ZNF385D: variants seen among roughly 807,000 people sequenced by gnomAD.
ZNF385D encodes zinc finger protein 659.
A neutral mutation model predicts 35.8 loss-of-function variants in ZNF385D; 15 were observed. The observed-to-expected ratio is 0.42, with a 90% CI of 0.28 to 0.64. The LOEUF (loss-of-function observed/expected upper bound fraction) is 0.64, where lower values mean the gene tolerates loss of function less well. Among genes scored for constraint, ZNF385D ranks in the 30% least tolerant of loss-of-function variants. The pLI, the probability that ZNF385D is intolerant of heterozygous loss-of-function variation, is 0.23. For missense variants in ZNF385D, 474 were observed against 494.6 expected (o/e 0.96, Z 0.39); for synonymous variants, 212 against 186.8 (o/e 1.13, Z -1.10).
At chr3:21,618,099 C>T (rs1325947658) in intron 2 of ZNF385D, among the ~76,000 whole-genome samples, 1 of 152,160 alleles carries the variant, frequency 6.6e-6, no homozygotes, top group African/African-American at 2.4e-5. Context: ...TCCCAGAAAC[C>T]TATATTATCT....
At chr3:22,140,034 C>T (rs886137463) in intron 3 of ZNF385D, among the ~76,000 whole-genome samples, 4 of 152,154 alleles carry the variant, frequency 2.6e-5, no homozygotes, top group Non-Finnish European at 5.9e-5. Context: ...ACTTTGGATT[C>T]ATTGTGGCAG....
At chr3:22,259,716 A>C (rs1236075185) in intron 2 of ZNF385D, among the ~76,000 whole-genome samples, 1 of 152,022 alleles carries the variant, frequency 6.6e-6, no homozygotes, top group East Asian at 1.9e-4. Flanking sequence ...AGCACGTAGT[A>C]GTGAAGAACA....
chr3:22,003,957 A>T (rs1245038322), intron 3 of ZNF385D, among the ~76,000 whole-genome samples: 2 of 152,188 alleles, frequency 1.3e-5, no homozygotes, highest in Admixed American at 6.5e-5. Context: ...CTGAGTAAAA[A>T]AAAACAAAGC....
intron 3 of ZNF385D, among the ~76,000 whole-genome samples, chr3:21,955,704 T>C (rs900013524): frequency 6.6e-6 from 1 of 152,160 alleles, no homozygotes; most frequent in Non-Finnish European, 1.5e-5. Flanking sequence ...TGTTATAAAA[T>C]TGAGTATCTT....
chr3:22,065,633 C>T (rs572433953), intron 3 of ZNF385D, among the ~76,000 whole-genome samples: 3 of 151,934 alleles, frequency 2.0e-5, no homozygotes, highest in Non-Finnish European at 4.4e-5. Flanking sequence ...GTGTGGAGCT[C>T]GCAAGTGGTG....
chr3:22,016,652 G>C (rs56134833), intron 3 of ZNF385D, among the ~76,000 whole-genome samples: 1 of 151,766 alleles, frequency 6.6e-6, no homozygotes, highest in African/African-American at 2.4e-5. Flanking sequence ...AAAATTTTAG[G>C]GGCTTTCTTA....
intron 2 of ZNF385D, among the ~76,000 whole-genome samples, chr3:22,275,593 C>A (rs1246352359): frequency 6.6e-6 from 1 of 152,052 alleles, no homozygotes; most frequent in Non-Finnish European, 1.5e-5. Context: ...GGTTAATATT[C>A]TTATCTAAAA....
chr3:22,071,020 A>C (rs1700202823), intron 3 of ZNF385D, among the ~76,000 whole-genome samples: 1 of 152,148 alleles, frequency 6.6e-6, no homozygotes, highest in African/African-American at 2.4e-5. Context: ...TCAGTTGCCA[A>C]ATCTATGAAA....
intron 2 of ZNF385D, among the ~76,000 whole-genome samples, chr3:22,250,261 C>A (rs1042485600): frequency 4.6e-5 from 7 of 152,110 alleles, no homozygotes; most frequent in Middle Eastern, 6.8e-3. Flanking sequence ...GGGTTGTATT[C>A]TATCTTTTTA....
chr3:22,218,842 T>A (rs1576514623), intron 2 of ZNF385D, among the ~76,000 whole-genome samples: 1 of 152,166 alleles, frequency 6.6e-6, no homozygotes, highest in East Asian at 1.9e-4. Context: ...TTGTCCTTAA[T>A]GTAGGGTTGA....
chr3:21,683,409 G>A (rs1270850293), intron 1 of ZNF385D, among the ~76,000 whole-genome samples: 3 of 149,672 alleles, frequency 2.0e-5, no homozygotes, highest in African/African-American at 4.9e-5. Flanking sequence ...ACGAGGTCAG[G>A]AGATCAAGAC....
At chr3:21,673,025 G>C (rs2066622484) in intron 1 of ZNF385D, among the ~76,000 whole-genome samples, 1 of 152,068 alleles carries the variant, frequency 6.6e-6, no homozygotes, top group Admixed American at 6.6e-5. Context: ...ACAGGTGCCT[G>C]CTTTATAGGA....
At chr3:22,010,887 C>T (rs1346887999) in intron 3 of ZNF385D, among the ~76,000 whole-genome samples, 2 of 152,034 alleles carry the variant, frequency 1.3e-5, no homozygotes, top group Non-Finnish European at 2.9e-5. Context: ...GCAATTTTTT[C>T]TTTCCCTTTT....
At chr3:21,602,076 AG>A (rs1290499097) in intron 2 of ZNF385D, among the ~76,000 whole-genome samples, 5 of 152,158 alleles carry the variant, frequency 3.3e-5, no homozygotes, top group Admixed American at 1.3e-4. Flanking sequence ...CTGAAGGTGA[AG>A]GGGGAGCAAA....
chr3:22,255,311 C>A (rs934482947), intron 2 of ZNF385D, among the ~76,000 whole-genome samples: 28 of 150,902 alleles, frequency 1.9e-4, no homozygotes, highest in African/African-American at 6.6e-4. Flanking sequence ...GCTTTTTTAA[C>A]CTATTTTTTC....
exon 3 of ZNF385D, chr3:22,168,963 C>G (rs934395660): frequency 1.0e-6 from 1 of 985,632 alleles, no homozygotes; most frequent in African/African-American, 1.7e-5. Context: ...TTTCTTTTCT[C>G]TTTCTGGTTT....
chr3:22,319,142 T>C (rs1036059991), intron 2 of ZNF385D, among the ~76,000 whole-genome samples: 18 of 152,130 alleles, frequency 1.2e-4, no homozygotes, highest in East Asian at 3.9e-4. Flanking sequence ...TAAAAGACAA[T>C]AGATGATAGA....
Position 21,607,191 on chromosome 3 carries a change from A to G in ZNF385D, c.166-42507T>C, listed in dbSNP as rs148424341. On this transcript the variant is annotated intron_variant, in intron 2 of 7. Transcript: ENST00000281523. ...CAAATATATATAGATACACATACAA[A>G]TATATATATAGAAAAACTAATACGA... 3.6e-3 allele frequency among the ~76,000 whole-genome samples: 555 copies of G among 152,136 alleles called. 5 individuals are homozygous for G. The highest frequency in any genetic ancestry group is 0.013 in the African/African-American group (532 of 41,488).
intron 2 of ZNF385D, among the ~76,000 whole-genome samples, chr3:21,663,373 G>A (rs1358082720): frequency 6.6e-6 from 1 of 152,050 alleles, no homozygotes; most frequent in Non-Finnish European, 1.5e-5. Flanking sequence ...GGCCTTCCAG[G>A]AATTTTACCT....
Sources: gnomAD v4.1 joint callset for allele counts (sites outside exome capture counted in the v4.1 genomes callset) on GRCh38, gnomAD v4.1.1 for gene constraint, MANE v1.5 for transcripts, NCBI Gene and HGNC (gene_info 2026-07-23, HGNC 2026-07-21) for gene names.